KDR: variants seen among roughly 807,000 people sequenced by gnomAD.
The protein encoded by KDR is vascular endothelial growth factor receptor 2.
Under a neutral mutation model 160.9 loss-of-function variants are expected in KDR, and 43 were observed. The ratio of observed to expected loss-of-function variants is 0.27; its 90% confidence interval spans 0.21 to 0.34. The LOEUF is 0.34. Ranked by LOEUF, KDR falls within the 10% of genes least tolerant of loss-of-function variation. The pLI is 1.00. For synonymous variants in KDR, 617 were observed against 600.1 expected (o/e 1.03, Z -0.41); for missense variants, 1,469 against 1,666.4 (o/e 0.88, Z 2.06).
intron 6 of KDR, 99 bp downstream of exon 6, chr4:55,114,027 C>T (rs1720665860): frequency 2.4e-6 from 3 of 1,252,956 alleles, no homozygotes; most frequent in South Asian, 1.2e-5. Context: ...AAGGCTCTTA[C>T]ATTTTATCTG....
chr4:55,086,734 C>A (rs1489109649), intron 27 of KDR, among the ~76,000 whole-genome samples: 2 of 152,194 alleles, frequency 1.3e-5, no homozygotes, highest in African/African-American at 2.4e-5. Context: ...CCACGAGTTT[C>A]TCCTTAGCAT....
chr4:55,106,005 T>C, intron 11 of KDR, 65 bp from the exon 12 acceptor site: 1 of 956,154 alleles, frequency 1.0e-6, no homozygotes, highest in Non-Finnish European at 1.7e-6. Flanking sequence ...AAGCACTCAG[T>C]CCAGCAGTCT....
intron 28 of KDR, 65 bp from the exon 29 acceptor site, chr4:55,082,106 A>C: frequency 8.9e-7 from 1 of 1,127,846 alleles, no homozygotes. Flanking sequence ...TATTTAATTA[A>C]GCTGATTTCT....
chr4:55,090,166 C>T, intron 22 of KDR, 88 bp from the exon 23 acceptor site: 1 of 1,515,560 alleles, frequency 6.6e-7, no homozygotes, highest in Non-Finnish European at 9.1e-7. Flanking sequence ...AAAAAAATCC[C>T]ACATCAGAAA....
At chr4:55,092,304 A>G (rs1720038419) in intron 22 of KDR, 1 of 389,940 alleles carries the variant, frequency 2.6e-6, no homozygotes, top group African/African-American at 2.1e-5. Flanking sequence ...TGTTTGCTCT[A>G]CCCACTAGAA....
chr4:55,111,088 T>C (rs1720571551), intron 7 of KDR, among the ~76,000 whole-genome samples: 1 of 152,128 alleles, frequency 6.6e-6, no homozygotes, highest in Admixed American at 6.5e-5. Context: ...TGGGTGCTCC[T>C]TCTCCTCTGC....
intron 13 of KDR, 34 bp downstream of exon 13, chr4:55,104,609 G>A (rs1455125483): frequency 6.5e-7 from 1 of 1,549,230 alleles, no homozygotes; most frequent in Non-Finnish European, 8.9e-7. Flanking sequence ...CATTCCAACT[G>A]CCTCTGCACA....
chr4:55,114,382 C>T, intron 5 of KDR, 117 bp from the exon 6 acceptor site: 1 of 1,063,156 alleles, frequency 9.4e-7, no homozygotes, highest in Non-Finnish European at 1.4e-6. Flanking sequence ...TTTTTCCCTG[C>T]AGGCCTCACC....
At chr4:55,119,017 T>C (rs944452634) in intron 2 of KDR, among the ~76,000 whole-genome samples, 1 of 152,190 alleles carries the variant, frequency 6.6e-6, no homozygotes, top group Non-Finnish European at 1.5e-5. Flanking sequence ...GAGACCAGGC[T>C]GGGCAACATG....
intron 26 of KDR, 26 bp from the exon 27 acceptor site, chr4:55,087,784 T>C (rs757239496): frequency 5.0e-6 from 8 of 1,612,692 alleles, no homozygotes; most frequent in Non-Finnish European, 8.5e-7. Context: ...CAGAAGACTG[T>C]TGTTATGGCT....
chr4:55,113,368 C>A lies in KDR; in HGVS notation c.912G>T (p.Leu304Phe). ...IDGVTRSDQG[L>F]YTCAASSGLM... ...GCCCACTGGATGCTGCACAGGTGTA[C>A]AATCCTTGGTCACTCCGGGTTACAC... The change falls in exon 7 of 30, where the codon TTG (leucine) becomes TTT (phenylalanine). Residue 304 changes from leucine (L) to phenylalanine (F), a missense_variant. Transcript: ENST00000263923. 1 of 1,614,060 alleles carries A rather than the reference C, an allele frequency of 6.2e-7. No individual in the cohort carries two copies. The highest frequency in any genetic ancestry group is 1.1e-5 in the South Asian group (1 of 91,076).
At position 55,080,065 on chromosome 4, in the gene KDR, G is replaced by C; in HGVS notation, c.3947C>G (p.Thr1316Ser). Residue 1316 changes from threonine to serine, a missense_variant, in exon 30 of 30, where the codon ACC (threonine) becomes AGC (serine). Physicochemically the swap from Thr to Ser is moderately conservative, Grantham distance 58 (BLOSUM62 1). Around this residue, in one of 7 missense-constraint regions of KDR, gnomAD observed 229 missense variants for 197.8 expected, o/e 1.16. Coordinates refer to ENST00000263923, the MANE Select transcript of KDR (RefSeq NM_002253.4). ...TGCTTCCTCACTGGAGTACACGGTG[G>C]TGTCTGTGTCATCGGAGTGATATCC... ...QSGYHSDDTD[T>S]TVYSSEEAEL... 6.2e-7 allele frequency: 1 copy of C among 1,614,064 alleles called. No individual in the cohort carries two copies. The highest frequency in any genetic ancestry group is 8.5e-7 in the Non-Finnish European group (1 of 1,179,980).
chr4:55,107,342 G>T (rs1407871854), intron 10 of KDR, among the ~76,000 whole-genome samples: 2 of 152,120 alleles, frequency 1.3e-5, no homozygotes, highest in African/African-American at 4.8e-5. Flanking sequence ...CTGGGGCTGG[G>T]TCTATCACTG....
chr4:55,124,241 C>A (rs1182994203), intron 1 of KDR, among the ~76,000 whole-genome samples: 2 of 151,884 alleles, frequency 1.3e-5, no homozygotes, highest in East Asian at 3.9e-4. Flanking sequence ...TTTCTCTGAC[C>A]CTTTCCCCTT....
intron 16 of KDR, 121 bp downstream of exon 16, chr4:55,098,576 G>A: frequency 2.5e-6 from 2 of 806,910 alleles, no homozygotes; most frequent in Non-Finnish European, 4.3e-6. Flanking sequence ...TTATTGTATT[G>A]AAATAAAAAT....
chr4:55,088,939 G>A lies in KDR; in HGVS notation c.3439C>T (p.Pro1147Ser), dbSNP rs121917766. 2.5e-4 allele frequency: 403 copies of A among 1,613,886 alleles called. No individual in the cohort carries two copies. Among genetic ancestry groups the A allele is most frequent in the Non-Finnish European group, 3.2e-4 (376 of 1,179,908 alleles). Reference protein sequence around the residue: ...QTMLDCWHGEPSQRPTFSELV... With the variant: ...QTMLDCWHGESSQRPTFSELV... ...TCTGAAAACGTGGGTCTCTGACTGG[G>A]CTCCCCGTGCCAGCAGTCCAGCATG... is the stretch of plus-strand genomic sequence containing the variant. The change falls in exon 26 of 30, where the codon CCC (proline) becomes TCC (serine). Residue 1147 changes from proline to serine, a missense_variant. Transcript: ENST00000263923.
In KDR at chr4:55,107,771, A is replaced by C; in HGVS notation, c.1378T>G (p.Trp460Gly). The C allele has an allele frequency of 6.2e-7, 1 of 1,614,018 alleles. No homozygotes were observed. Among genetic ancestry groups the C allele is most frequent in the Non-Finnish European group, 8.5e-7 (1 of 1,179,922 alleles). ...IPPPHHIHWYWQLEEECANEP... is the reference protein window; with the variant it reads ...IPPPHHIHWYGQLEEECANEP... ...TTGGCGCACTCTTCCTCCAACTGCCAATACCAGTGGATGTGATGCGGGGGA... is the reference window on the plus strand; with the variant it reads ...TTGGCGCACTCTTCCTCCAACTGCCCATACCAGTGGATGTGATGCGGGGGA... The change falls in exon 10 of 30, where the codon TGG becomes GGG. Residue 460 changes from tryptophan to glycine, a missense_variant. By Grantham distance (184) the Trp-to-Gly change is radical (BLOSUM62 -2). Around this residue, in one of 7 missense-constraint regions of KDR, gnomAD observed 792 missense variants for 840.9 expected, o/e 0.94. Transcript: ENST00000263923.
In KDR at chr4:55,098,776, A is replaced by C. The variant is rs745431769; in HGVS notation, c.2294T>G (p.Ile765Ser). 1 of 1,613,158 alleles carries C rather than the reference A, an allele frequency of 6.2e-7. No homozygotes were observed. The highest frequency in any genetic ancestry group is 1.1e-5 in the South Asian group (1 of 91,042). The change falls in exon 16 of 30, where the codon ATC becomes AGC. Residue 765 changes from isoleucine (I) to serine (S), a missense_variant. Around this residue, in one of 7 missense-constraint regions of KDR, gnomAD observed 118 missense variants for 110.8 expected, o/e 1.06. Transcript: ENST00000263923. ...EGAQEKTNLEIIILVGTAVIA... is the reference protein window; with the variant it reads ...EGAQEKTNLESIILVGTAVIA... Reference sequence around the variant, plus strand: ...CACCGCCGTGCCTACTAGAATAATGATTTCCAAGTTCGTCTTTTCCTGGGC... The same window carrying C: ...CACCGCCGTGCCTACTAGAATAATGCTTTCCAAGTTCGTCTTTTCCTGGGC...
intron 20 of KDR, 93 bp from the exon 21 acceptor site, chr4:55,095,048 A>T: frequency 1.6e-6 from 2 of 1,229,562 alleles, no homozygotes. Flanking sequence ...CCATGGAGAT[A>T]ATTGAAACTA....
Sources: allele counts gnomAD v4.1 joint callset (sites outside exome capture counted in the v4.1 genomes callset), GRCh38; gene constraint gnomAD v4.1.1; regional missense constraint gnomAD v4.1.1; transcripts MANE v1.5; gene names NCBI Gene and HGNC (gene_info 2026-07-23, HGNC 2026-07-21).